The following TENM2 variants were observed in gnomAD, a reference collection of about 807,000 sequenced individuals.
TENM2 encodes the protein teneurin transmembrane protein 2, also known as teneurin-2.
A neutral mutation model predicts 245.2 loss-of-function variants in TENM2; 52 were observed. The ratio of observed to expected loss-of-function variants is 0.21; its 90% CI spans 0.17 to 0.27. The LOEUF is 0.27. Among genes scored for constraint, TENM2 ranks in the 10% least tolerant of loss-of-function variants. The pLI is 1.00. For missense variants in TENM2, 3,046 were observed against 3,666.8 expected (o/e 0.83, Z 4.37); for synonymous variants, 1,363 against 1,438.9 (o/e 0.95, Z 1.19).
intron 6 of TENM2, among the ~76,000 whole-genome samples, chr5:168,059,273 A>C (rs1319496367): frequency 6.6e-6 from 1 of 152,162 alleles, no homozygotes; most frequent in Non-Finnish European, 1.5e-5. Context: ...TCCCTTGCAC[A>C]TCTCCAGCAT....
At chr5:167,153,183 G>A in the TENM2 span, among the ~76,000 whole-genome samples, 3 of 151,566 alleles carry the variant, frequency 2.0e-5, no homozygotes, top group Non-Finnish European at 4.4e-5. Flanking sequence ...CTACACAAGT[G>A]AAAATCCCCA....
chr5:167,399,125 C>T (rs1215650753), intron 2 of TENM2, among the ~76,000 whole-genome samples: 3 of 152,048 alleles, frequency 2.0e-5, no homozygotes, highest in Non-Finnish European at 2.9e-5. Flanking sequence ...AGTTCTGCCT[C>T]GTATATCAAA....
intron 2 of TENM2, among the ~76,000 whole-genome samples, chr5:167,496,539 T>C (rs55931735): frequency 0.12 from 18,914 of 152,164 alleles, 1,496 homozygotes; most frequent in Middle Eastern, 0.19. Flanking sequence ...GGCTGTTACA[T>C]GATTTTAGAA....
exon 1 of TENM2, chr5:167,284,898 C>T (rs1771247542): frequency 4.5e-6 from 7 of 1,551,722 alleles, no homozygotes; most frequent in East Asian, 2.4e-5. Context: ...CAAAGAGTGT[C>T]GCTACACAAG....
At chr5:167,744,808 AAAAC>A (rs3056477) in intron 2 of TENM2, among the ~76,000 whole-genome samples, 9,473 of 151,058 alleles carry the variant, frequency 0.063, 331 homozygotes, top group Middle Eastern at 0.095. Context: ...TCTCTAAAAC[AAAAC>A]AAACAAACAA....
intron 4 of TENM2, among the ~76,000 whole-genome samples, chr5:167,964,660 A>G (rs1320492023): frequency 6.6e-6 from 1 of 152,182 alleles, no homozygotes; most frequent in African/African-American, 2.4e-5. Context: ...AGCCAGACCC[A>G]TAAGAAATGG....
At chr5:167,528,438 G>T (rs2127590451) in intron 2 of TENM2, among the ~76,000 whole-genome samples, 1 of 152,180 alleles carries the variant, frequency 6.6e-6, no homozygotes, top group African/African-American at 2.4e-5. Flanking sequence ...AAGAGGTGTA[G>T]CTTAATGTCT....
At chr5:167,436,289 G>A (rs916401986) in intron 2 of TENM2, among the ~76,000 whole-genome samples, 7 of 151,884 alleles carry the variant, frequency 4.6e-5, no homozygotes, top group Non-Finnish European at 8.8e-5. Flanking sequence ...ATTTTCCCAC[G>A]TTGGCCAGGC....
intron 2 of TENM2, among the ~76,000 whole-genome samples, chr5:167,795,069 C>A (rs1765225924): frequency 6.6e-6 from 1 of 152,114 alleles, no homozygotes; most frequent in African/African-American, 2.4e-5. Context: ...TAGAGCAATT[C>A]ATTAAGCTTA....
intron 3 of TENM2, among the ~76,000 whole-genome samples, chr5:167,878,044 A>G (rs973212903): frequency 1.3e-5 from 2 of 152,248 alleles, no homozygotes; most frequent in African/African-American, 4.8e-5. Flanking sequence ...TTTTATGCAT[A>G]TATGGATACC....
At chr5:167,303,798 A>G (rs1443843082) in intron 1 of TENM2, among the ~76,000 whole-genome samples, 2 of 152,182 alleles carry the variant, frequency 1.3e-5, no homozygotes, top group African/African-American at 4.8e-5. Context: ...GAAATAGGCC[A>G]GGTTGTCAAC....
In TENM2 at chr5:167,845,928, T is replaced by C. The variant is rs182462733; in HGVS notation, c.503-30058T>C. ...TGGCCCGACTGCTCCTACAGTGACC[T>C]TTCCACTTAGCATTCTCTCATCCAT... On this transcript the variant is annotated intron_variant, in intron 2 of 28. Coordinates refer to ENST00000518659, the Ensembl canonical transcript of TENM2. Among the ~76,000 whole-genome samples, 311 of 152,270 alleles carry C rather than the reference T, an allele frequency of 2.0e-3. 1 individual carries two copies. Among genetic ancestry groups the C allele is most frequent in the Non-Finnish European group, 3.3e-3 (225 of 68,016 alleles).
chr5:167,147,892 T>A, the TENM2 span, among the ~76,000 whole-genome samples: 2 of 152,264 alleles, frequency 1.3e-5, no homozygotes, highest in South Asian at 4.2e-4. Context: ...TAGCCAAGCC[T>A]CCTTATTCTT....
At chr5:167,900,831 G>T (rs528584827) in intron 3 of TENM2, among the ~76,000 whole-genome samples, 4 of 151,376 alleles carry the variant, frequency 2.6e-5, no homozygotes, top group Admixed American at 6.6e-5. Context: ...TGATTGGGGT[G>T]GGGGGGTGAG....
the TENM2 span, among the ~76,000 whole-genome samples, chr5:167,083,812 A>G: frequency 6.6e-6 from 1 of 152,180 alleles, no homozygotes; most frequent in African/African-American, 2.4e-5. Context: ...TCCAGAGCAA[A>G]AAGATTATGC....
chr5:167,172,373 C>T, the TENM2 span, among the ~76,000 whole-genome samples: 2 of 152,184 alleles, frequency 1.3e-5, no homozygotes, highest in African/African-American at 4.8e-5. Context: ...AAATCTCCAA[C>T]AATTGTTCTC....
chr5:167,151,765 C>A, the TENM2 span, among the ~76,000 whole-genome samples: 1 of 152,158 alleles, frequency 6.6e-6, no homozygotes, highest in South Asian at 2.1e-4. Context: ...GATCCACCCG[C>A]CTCGGCCTCC....
intron 2 of TENM2, among the ~76,000 whole-genome samples, chr5:167,842,222 C>T (rs538513128): frequency 1.3e-5 from 2 of 152,034 alleles, no homozygotes; most frequent in Non-Finnish European, 2.9e-5. Flanking sequence ...TATTGTTTGT[C>T]TCCTCAGAGC....
At chr5:167,294,817 C>T (rs1357043138) in intron 1 of TENM2, among the ~76,000 whole-genome samples, 1 of 152,170 alleles carries the variant, frequency 6.6e-6, no homozygotes, top group Non-Finnish European at 1.5e-5. Context: ...ATTTTATATG[C>T]CAAACCTCTG....
Sources: allele counts gnomAD v4.1 joint callset (sites outside exome capture counted in the v4.1 genomes callset), GRCh38; gene constraint gnomAD v4.1.1; transcripts MANE v1.5; gene names NCBI Gene and HGNC (gene_info 2026-07-23, HGNC 2026-07-21).